The following EPRS1 variants were observed in gnomAD, a reference collection of about 807,000 sequenced individuals.
The protein encoded by EPRS1 is bifunctional glutamate/proline--tRNA ligase.
EPRS1 carries 107 observed loss-of-function variants against 188.3 expected under a neutral mutation model. The observed-to-expected ratio is 0.57, with a 90% CI of 0.49 to 0.67. EPRS1 has a LOEUF of 0.67. EPRS1 is among the 30% of genes least tolerant of loss of function. The pLI is 0.00. For missense variants in EPRS1, 1,577 were observed against 1,802.2 expected, an observed-to-expected ratio of 0.88 and a Z score of 2.26; for synonymous variants, 596 against 593.1, an observed-to-expected ratio of 1.00 and a Z score of -0.07.
chr1:220,027,920 T>C (rs1662015201), intron 6 of EPRS1, among the ~76,000 whole-genome samples: 1 of 151,948 alleles, frequency 6.6e-6, no homozygotes, highest in Admixed American at 6.6e-5. Flanking sequence ...AAAGAGATAC[T>C]AGGGAAAAAC....
chr1:220,025,500 G>A (rs1661954760), intron 6 of EPRS1, among the ~76,000 whole-genome samples: 2 of 151,600 alleles, frequency 1.3e-5, no homozygotes, highest in East Asian at 3.9e-4. Flanking sequence ...TCTCACAGAG[G>A]GGACAAGGTA....
intron 12 of EPRS1, among the ~76,000 whole-genome samples, chr1:220,017,297 T>C (rs918631465): frequency 2.6e-5 from 4 of 152,148 alleles, no homozygotes; most frequent in Non-Finnish European, 5.9e-5. Flanking sequence ...TGAAAGTAGA[T>C]AGAGAGAGGA....
intron 1 of EPRS1, among the ~76,000 whole-genome samples, chr1:220,042,691 G>T (rs993856605): frequency 5.3e-5 from 8 of 151,880 alleles, no homozygotes; most frequent in Admixed American, 3.3e-4. Flanking sequence ...GGAGGCTGAG[G>T]GGGGCGGATC....
chr1:220,019,060 T>C lies in EPRS1; in HGVS notation c.1369A>G (p.Thr457Ala). The C allele has an allele frequency of 6.2e-7, 1 of 1,612,722 alleles. No individual in the cohort carries two copies. The highest frequency in any genetic ancestry group is 8.5e-7 in the Non-Finnish European group (1 of 1,178,864). Residue 457 changes from threonine (T) to alanine (A), a missense_variant, in exon 11 of 32, where the codon ACG becomes GCG. By Grantham distance (58) the Thr-to-Ala change is moderately conservative. Coordinates refer to ENST00000366923, the MANE Select transcript of EPRS1 (RefSeq NM_004446.3). ...VDGWDDPRFP[T>A]VRGVLRRGMT... ...CCTCTTCTCAGTACACCACGAACCG[T>C]AGGAAATCTTGGGTCATCCCTGGAA...
intron 1 of EPRS1, among the ~76,000 whole-genome samples, chr1:220,043,357 T>C (rs1571703243): frequency 6.6e-6 from 1 of 152,242 alleles, no homozygotes; most frequent in South Asian, 2.1e-4. Context: ...TTGTAACTTC[T>C]TGAGTATTTT....
At chr1:220,040,040 G>C in intron 2 of EPRS1, 145 bp downstream of exon 2, 1 of 577,882 alleles carries the variant, frequency 1.7e-6, no homozygotes, top group Non-Finnish European at 3.1e-6. Flanking sequence ...GGCTGGGATG[G>C]CAGGATCCTG....
Position 220,006,145 on chromosome 1 carries a change from T to C in EPRS1, c.1911A>G (p.Lys637=). 1 of 1,594,474 alleles carries C rather than the reference T, an allele frequency of 6.3e-7. No homozygotes were observed. The highest frequency in any genetic ancestry group is 8.6e-7 in the Non-Finnish European group (1 of 1,168,182). ...TGACATACTGCTTAAAGTCCTCGTCTTTTCCTAGCACTGGCTTTGTGATCA... is the reference window on the plus strand; with the variant it reads ...TGACATACTGCTTAAAGTCCTCGTCCTTTCCTAGCACTGGCTTTGTGATCA... The part of the protein sequence containing the change: ...EHLITKPVLG[K]DEDFKQYVNK... Residue 637 remains lysine, a synonymous_variant, in exon 15 of 32, where the codon AAA becomes AAG. Coordinates refer to ENST00000366923, the MANE Select transcript of EPRS1 (RefSeq NM_004446.3).
intron 17 of EPRS1, among the ~76,000 whole-genome samples, chr1:219,997,928 G>C (rs1419175520): frequency 6.6e-6 from 1 of 152,024 alleles, no homozygotes; most frequent in Non-Finnish European, 1.5e-5. Context: ...TCATTGTTGT[G>C]GAACAGTTTC....
At chr1:220,021,039 C>T (rs150985719) in intron 9 of EPRS1, among the ~76,000 whole-genome samples, 3,039 of 151,238 alleles carry the variant, frequency 0.02, 95 homozygotes, top group African/African-American at 0.062. Flanking sequence ...CACCATGCCC[C>T]GCTAATTTTT....
intron 12 of EPRS1, among the ~76,000 whole-genome samples, chr1:220,017,808 G>C (rs77799453): frequency 2.0e-5 from 3 of 151,222 alleles, no homozygotes; most frequent in Non-Finnish European, 4.4e-5. Context: ...AAAAAAAAAA[G>C]CTGGATTCAG....
intron 1 of EPRS1, among the ~76,000 whole-genome samples, chr1:220,040,835 A>G (rs1662277675): frequency 6.9e-6 from 1 of 145,130 alleles, no homozygotes; most frequent in Non-Finnish European, 1.5e-5. Context: ...AGGTGACAAG[A>G]GCAAAACTGC....
At chr1:219,969,536 G>A (rs150844546) in intron 30 of EPRS1, among the ~76,000 whole-genome samples, 66 of 151,880 alleles carry the variant, frequency 4.3e-4, no homozygotes, top group African/African-American at 1.6e-3. Context: ...GATTTTTAAT[G>A]TGTTGTTAAC....
chr1:220,010,941 G>A lies in EPRS1; in HGVS notation c.1605+5C>T, dbSNP rs886545947. The A allele has an allele frequency of 5.8e-6, 9 of 1,545,066 alleles. No individual in the cohort carries two copies. Among genetic ancestry groups the A allele is most frequent in the Non-Finnish European group, 7.2e-6 (8 of 1,117,812 alleles). On this transcript the variant is annotated splice_donor_5th_base_variant and intron_variant, in intron 13 of 31. Transcript: ENST00000366923. ...GAAACACATTGGTGAAACTGTAAGA[G>A]TGACCTTTGGGTGTTTGGCTACTTC...
chr1:220,025,408 A>G (rs1661952926), intron 6 of EPRS1, 150 bp from the exon 7 acceptor site: 4 of 487,594 alleles, frequency 8.2e-6, no homozygotes, highest in Non-Finnish European at 1.3e-5. Flanking sequence ...GTACTGTGAT[A>G]GAAAATCTGA....
Position 220,024,321 on chromosome 1 carries a change from C to G in EPRS1, c.886G>C (p.Ala296Pro), listed in dbSNP as rs35999099. The G allele has an allele frequency of 1.2e-3, 1,939 of 1,613,286 alleles. 20 individuals carry two copies. The African/African-American group carries it at 0.021, about 17-fold the overall frequency. The stretch of plus-strand genomic sequence containing the variant: ...TCACGTTCTGCTTTCATCTGTTCAG[C>G]AGGAGTATCATCCACATAAGCCTTC... Reference protein sequence around the residue: ...EGKAYVDDTPAEQMKAEREQR... With the variant: ...EGKAYVDDTPPEQMKAEREQR... The change falls in exon 8 of 32, where the codon GCT becomes CCT. Residue 296 changes from alanine (A) to proline (P), a missense_variant. Around this residue, in one of 3 missense-constraint regions of EPRS1, gnomAD observed 1,278 missense variants for 1,457.4 expected, o/e 0.88. Transcript: ENST00000366923.
chr1:220,030,435 C>T lies in EPRS1; in HGVS notation c.574G>A (p.Gly192Ser), dbSNP rs752470214. Reference protein sequence around the residue: ...QDVGKFVELPGAEMGKVTVRF... With the variant: ...QDVGKFVELPSAEMGKVTVRF... ...ACGGTAACCTTTCCCATCTCCGCAC[C>T]TGGAAGCTCAACAAATTTCCCAACA... Residue 192 changes from glycine (G) to serine (S), a missense_variant, in exon 6 of 32, where the codon GGT (glycine) becomes AGT (serine). Gly to Ser is a moderately conservative substitution (Grantham distance 56). Transcript: ENST00000366923. 3.1e-6 allele frequency: 5 copies of T among 1,614,032 alleles called. No homozygotes were observed. The African/African-American group carries it at 4.0e-5, about 13-fold the overall frequency.
At chr1:220,010,470 CA>C (rs541210990) in intron 13 of EPRS1, among the ~76,000 whole-genome samples, 67 of 151,968 alleles carry the variant, frequency 4.4e-4, no homozygotes, top group African/African-American at 1.6e-3. Flanking sequence ...GCAAAAAATC[CA>C]AAAAAGATTT....
At chr1:220,004,288 C>T (rs1661416600) in intron 16 of EPRS1, among the ~76,000 whole-genome samples, 1 of 152,128 alleles carries the variant, frequency 6.6e-6, no homozygotes, top group Non-Finnish European at 1.5e-5. Context: ...CTTGCCTCAG[C>T]CTTGCAAAGT....
At position 220,010,905 on chromosome 1, in the gene EPRS1, T is replaced by C. The variant is rs1298932300; in HGVS notation, c.1605+41A>G. 5.1e-6 allele frequency: 6 copies of C among 1,184,652 alleles called. No homozygotes were observed. The Admixed American group carries it at 8.9e-5, about 18-fold the overall frequency. 73.4% of individuals were successfully genotyped at this position (1,184,652 alleles called of 1,614,324 possible). Reference sequence around the variant, plus strand: ...TTCCTTTTTATTTCCTGCTCCTTCTTTTAACAGAGAGAAACACATTGGTGA... The same window carrying C: ...TTCCTTTTTATTTCCTGCTCCTTCTCTTAACAGAGAGAAACACATTGGTGA... On this transcript the variant is annotated intron_variant, in intron 13 of 31. Coordinates refer to ENST00000366923, the MANE Select transcript of EPRS1 (RefSeq NM_004446.3).
Sources: allele counts gnomAD v4.1 joint callset (sites outside exome capture counted in the v4.1 genomes callset), GRCh38; gene constraint gnomAD v4.1.1; regional missense constraint gnomAD v4.1.1; transcripts MANE v1.5; gene names NCBI Gene and HGNC (gene_info 2026-07-23, HGNC 2026-07-21).